Variants in TMEM39B observed in about 807,000 individuals in gnomAD.
TMEM39B encodes the protein transmembrane protein 39B.
TMEM39B carries 23 observed loss-of-function variants against 52.2 expected under a neutral mutation model. That is an observed-to-expected ratio of 0.44 (90% CI 0.32 to 0.62). The LOEUF (loss-of-function observed/expected upper bound fraction) is 0.62. TMEM39B is among the 20% of genes least tolerant of loss of function. The pLI is 0.06. For synonymous variants in TMEM39B, 285 were observed against 264.0 expected (o/e 1.08, Z -0.77); for missense variants, 547 against 642.0 (o/e 0.85, Z 1.60).
intron 1 of TMEM39B, among the ~76,000 whole-genome samples, chr1:32,074,192 AC>A (rs1395424354): frequency 6.6e-6 from 1 of 152,034 alleles, no homozygotes; most frequent in Non-Finnish European, 1.5e-5. Context: ...CATATCCTTG[AC>A]CCTTTATTTA....
intron 5 of TMEM39B, among the ~76,000 whole-genome samples, chr1:32,083,157 T>C (rs2124451068): frequency 7.1e-6 from 1 of 140,834 alleles, no homozygotes; most frequent in East Asian, 2.3e-4. Flanking sequence ...CCATCTCTGC[T>C]CACTGCAGCC....
At chr1:32,077,817 T>C (rs1302020704) in intron 5 of TMEM39B, among the ~76,000 whole-genome samples, 1 of 152,212 alleles carries the variant, frequency 6.6e-6, no homozygotes, top group East Asian at 1.9e-4. Flanking sequence ...TGTGCCTGCA[T>C]ATGCATGTGT....
At position 32,077,259 on chromosome 1, in the gene TMEM39B, A is replaced by C; in HGVS notation, c.531A>C (p.Arg177=). 1 of 1,614,012 alleles carries C rather than the reference A, an allele frequency of 6.2e-7. No homozygotes were observed. The highest frequency in any genetic ancestry group is 1.1e-5 in the South Asian group (1 of 91,076). ...CGGCAACAGGCTGGAGTCTGTGCCG[A>C]TCCCTCATCCACCTCTTCAGGACCT... is the stretch of plus-strand genomic sequence containing the variant. The part of the protein sequence containing the change: ...VLTATGWSLC[R]SLIHLFRTYS... Residue 177 remains arginine (R), a synonymous_variant, in exon 5 of 9, where the codon CGA becomes CGC. Transcript: ENST00000336294.
At position 32,094,930 on chromosome 1, in the gene TMEM39B, G is replaced by A. The variant is rs779958366; in HGVS notation, c.1074G>A (p.Gln358=). Residue 358 remains glutamine, a synonymous_variant, in exon 7 of 9, where the codon CAG becomes CAA. Coordinates refer to ENST00000336294, the MANE Select transcript of TMEM39B (RefSeq NM_018056.4). Reference sequence around the variant, plus strand: ...CCGCCGCCCATCTGGGCTGTTGGCAGAAGGTGGACCCAGCGCTGTGCTCCA... The same window carrying A: ...CCGCCGCCCATCTGGGCTGTTGGCAAAAGGTGGACCCAGCGCTGTGCTCCA... ...HKAAAHLGCW[Q]KVDPALCSNV... is the part of the protein sequence containing the mutation. 3.1e-6 allele frequency: 5 copies of A among 1,613,730 alleles called. No homozygotes were observed. The East Asian group carries it at 1.1e-4, about 36-fold the overall frequency.
Position 32,102,762 on chromosome 1 carries a change from A to G in TMEM39B, c.*89A>G, listed in dbSNP as rs1569966433. ...TTGGGTAGAAGTGGTGGTGGGGGGG[A>G]CAAAAGACAAAAAAATCCACCAGAG... On this transcript the variant is annotated 3_prime_UTR_variant, in exon 9 of 9. Coordinates refer to ENST00000336294, the MANE Select transcript of TMEM39B (RefSeq NM_018056.4). 7.4e-7 allele frequency: 1 copy of G among 1,351,574 alleles called. No homozygotes were observed. The highest frequency in any genetic ancestry group is 9.7e-7 in the Non-Finnish European group (1 of 1,035,964). 83.7% of individuals were successfully genotyped at this position (1,351,574 alleles called of 1,614,324 possible). A position where few individuals can be genotyped will look rare whatever the true frequency, so the allele number is the denominator to read the frequency against.
chr1:32,075,036 C>T lies in TMEM39B; in HGVS notation c.90C>T (p.His30=). The change falls in exon 2 of 9, where the codon CAC becomes CAT. Residue 30 remains histidine (H), a synonymous_variant. Coordinates refer to ENST00000336294, the MANE Select transcript of TMEM39B (RefSeq NM_018056.4). ...PGSSGGSSGS[H]TSSASVTSVR... The stretch of plus-strand genomic sequence containing the variant: ...CCTCGGGGGGCTCTAGTGGAAGCCA[C>T]ACTTCCAGTGCATCGGTGACCAGTG... The T allele has an allele frequency of 6.4e-7, 1 of 1,551,592 alleles. No homozygotes were observed.
At position 32,091,618 on chromosome 1, in the gene TMEM39B, A is replaced by G. The variant is rs114695697; in HGVS notation, c.591-57A>G. On this transcript the variant is annotated intron_variant, in intron 5 of 8. Coordinates refer to ENST00000336294, the MANE Select transcript of TMEM39B (RefSeq NM_018056.4). ...GGAAAGAAGATCCCCTCAGTGGCTGAGAGTTGGGATCCTGGCCCATGGGCA... is the reference window on the plus strand; with the variant it reads ...GGAAAGAAGATCCCCTCAGTGGCTGGGAGTTGGGATCCTGGCCCATGGGCA... The G allele has an allele frequency of 2.8e-3, 4,243 of 1,526,728 alleles. 24 individuals are homozygous for G. The highest frequency in any genetic ancestry group is 6.8e-3 in the South Asian group (527 of 77,184). The allele number at this position is 1,526,728 out of a possible 1,614,324, so 94.6% of individuals were successfully genotyped here.
chr1:32,101,557 A>T (rs560339879), intron 8 of TMEM39B, among the ~76,000 whole-genome samples: 1 of 152,044 alleles, frequency 6.6e-6, no homozygotes, highest in Non-Finnish European at 1.5e-5. Flanking sequence ...CTCCTAAAGG[A>T]TCCCCTTGAA....
intron 7 of TMEM39B, among the ~76,000 whole-genome samples, chr1:32,096,159 G>T (rs1640798695): frequency 6.6e-6 from 1 of 152,076 alleles, no homozygotes; most frequent in African/African-American, 2.4e-5. Flanking sequence ...TCAGGATTTT[G>T]CATGTGATGT....
intron 1 of TMEM39B, among the ~76,000 whole-genome samples, chr1:32,074,541 T>A (rs1209167082): frequency 6.6e-6 from 1 of 152,036 alleles, no homozygotes; most frequent in Non-Finnish European, 1.5e-5. Flanking sequence ...AGACAAGCAA[T>A]AAGCATATTA....
intron 5 of TMEM39B, among the ~76,000 whole-genome samples, chr1:32,091,032 C>T (rs1241513013): frequency 6.6e-6 from 1 of 152,138 alleles, no homozygotes; most frequent in African/African-American, 2.4e-5. Context: ...ACGTGATCTT[C>T]CCACGTCGGC....
At chr1:32,102,368 C>G in intron 8 of TMEM39B, 63 bp from the exon 9 acceptor site, 2 of 1,572,998 alleles carry the variant, frequency 1.3e-6, no homozygotes, top group South Asian at 1.2e-5. Context: ...CACCCAGAAC[C>G]CCCATCCAGG....
At chr1:32,080,700 G>C (rs72666730) in intron 5 of TMEM39B, among the ~76,000 whole-genome samples, 11,702 of 149,148 alleles carry the variant, frequency 0.078, 720 homozygotes, top group South Asian at 0.26. Context: ...AAAAAGAGTT[G>C]CCTTAATTTG....
At chr1:32,100,332 A>T (rs1219774606) in intron 7 of TMEM39B, 110 bp from the exon 8 acceptor site, 2 of 1,255,552 alleles carry the variant, frequency 1.6e-6, no homozygotes, top group East Asian at 5.2e-5. Context: ...CAGCGTGTCT[A>T]AGTGATAGAA....
intron 5 of TMEM39B, among the ~76,000 whole-genome samples, chr1:32,088,582 T>TTTG (rs1427472196): frequency 4.2e-4 from 54 of 127,290 alleles, no homozygotes; most frequent in Admixed American, 3.1e-3. Flanking sequence ...TTTTTTTTTT[T>TTTG]CTGATACAGA....
At chr1:32,091,624 G>T in intron 5 of TMEM39B, 51 bp from the exon 6 acceptor site, 2 of 1,535,552 alleles carry the variant, frequency 1.3e-6, no homozygotes, top group South Asian at 1.3e-5. Flanking sequence ...GCTGAGAGTT[G>T]GGATCCTGGC....
chr1:32,078,355 C>T (rs138410724), intron 5 of TMEM39B, among the ~76,000 whole-genome samples: 234 of 151,992 alleles, frequency 1.5e-3, no homozygotes, highest in African/African-American at 5.5e-3. Context: ...TGGTGAGGCA[C>T]GCCTATAGTC....
At chr1:32,086,470 A>G (rs1443946499) in intron 5 of TMEM39B, among the ~76,000 whole-genome samples, 2 of 152,212 alleles carry the variant, frequency 1.3e-5, no homozygotes, top group Non-Finnish European at 2.9e-5. Flanking sequence ...TAGTACACAC[A>G]CAAAAAAGAA....
Position 32,077,294 on chromosome 1 carries a change from T to C in TMEM39B, c.566T>C (p.Leu189Pro). 1 of 1,614,180 alleles carries C rather than the reference T, an allele frequency of 6.2e-7. No individual in the cohort carries two copies. Among genetic ancestry groups the C allele is most frequent in the Non-Finnish European group, 8.5e-7 (1 of 1,180,028 alleles). Residue 189 changes from leucine (L) to proline (P), a missense_variant, in exon 5 of 9, where the codon CTG becomes CCG. By Grantham distance (98) the Leu-to-Pro change is moderately conservative. Coordinates refer to ENST00000336294, the MANE Select transcript of TMEM39B (RefSeq NM_018056.4). ...LIHLFRTYSF[L>P]NLLFLCYPFG... ...CACCTCTTCAGGACCTACTCCTTCC[T>C]GAACCTCCTGTTCCTCTGCTATCCG...
Sources: gnomAD v4.1 joint callset for allele counts (sites outside exome capture counted in the v4.1 genomes callset) on GRCh38, gnomAD v4.1.1 for gene constraint, MANE v1.5 for transcripts, NCBI Gene and HGNC (gene_info 2026-07-23, HGNC 2026-07-21) for gene names.